Variants in KLF8 observed in about 807,000 individuals in gnomAD.
KLF8 encodes the protein Krueppel-like factor 8.
In KLF8, 10 loss-of-function variants were observed where a neutral mutation model predicts 18.2. The ratio of observed to expected loss-of-function variants is 0.55; its 90% CI spans 0.34 to 0.93. The LOEUF (loss-of-function observed/expected upper bound fraction) is 0.93, where lower values mean the gene tolerates loss of function less well. KLF8 is among the 40% of genes least tolerant of loss of function. KLF8 has a pLI of 0.02. For missense variants in KLF8, 264 were observed against 277.9 expected (o/e 0.95, Z 0.36); for synonymous variants, 109 against 97.3 (o/e 1.12, Z -0.71).
chrX:56,284,240 G>C, intron 5 of KLF8, 73 bp from the exon 6 acceptor site: 1 of 818,095 alleles, frequency 1.2e-6, no homozygotes, highest in Non-Finnish European at 1.7e-6. Flanking sequence ...TACGAGTTAT[G>C]TATTCTATTA....
the KLF8 span, among the ~76,000 whole-genome samples, chrX:56,002,417 A>ATG: frequency 0.037 from 3,470 of 92,602 alleles, 63 homozygotes; most frequent in Middle Eastern, 0.13. Flanking sequence ...ATTTGTGTGT[A>ATG]TGTGTGTGTG....
the KLF8 span, among the ~76,000 whole-genome samples, chrX:56,216,671 A>T: frequency 9.1e-6 from 1 of 110,285 alleles, no homozygotes; most frequent in Non-Finnish European, 1.9e-5. Context: ...CCACCACATC[A>T]AGCCAACAAA....
the KLF8 span, among the ~76,000 whole-genome samples, chrX:55,912,704 AT>A: frequency 1.8e-5 from 2 of 110,613 alleles, no homozygotes; most frequent in East Asian, 5.7e-4. Flanking sequence ...CTTCTCTCTT[AT>A]TTTCTTAAAT....
the KLF8 span, among the ~76,000 whole-genome samples, chrX:56,076,236 C>T: frequency 5.6e-5 from 6 of 106,520 alleles, no homozygotes; most frequent in South Asian, 4.3e-4. Context: ...GTGCACTGCA[C>T]CCACTAACTC....
the KLF8 span, among the ~76,000 whole-genome samples, chrX:55,950,988 C>T: frequency 8.9e-6 from 1 of 111,848 alleles, no homozygotes; most frequent in Non-Finnish European, 1.9e-5. Context: ...CCTTTACTTT[C>T]CTTCTTTCCA....
the KLF8 span, among the ~76,000 whole-genome samples, chrX:56,167,146 G>A: frequency 6.3e-5 from 7 of 111,054 alleles, no homozygotes; most frequent in Admixed American, 9.6e-5. Flanking sequence ...TCTTTTGGGC[G>A]GGGGGATAGA....
intron 2 of KLF8, among the ~76,000 whole-genome samples, chrX:56,257,058 A>ATGTT (rs2066807136): frequency 8.9e-6 from 1 of 111,934 alleles, no homozygotes; most frequent in African/African-American, 3.2e-5. Context: ...ATTATTAAAC[A>ATGTT]TTAATAAATT....
chrX:55,994,605 T>C, the KLF8 span, among the ~76,000 whole-genome samples: 1 of 111,196 alleles, frequency 9.0e-6, no homozygotes, highest in African/African-American at 3.3e-5. Flanking sequence ...GTCCCAGAGA[T>C]TCTCATATGT....
the KLF8 span, among the ~76,000 whole-genome samples, chrX:56,112,615 A>T: frequency 9.0e-6 from 1 of 111,705 alleles, no homozygotes; most frequent in African/African-American, 3.3e-5. Context: ...AAGGTGTCCC[A>T]CACAACCCTT....
the KLF8 span, among the ~76,000 whole-genome samples, chrX:56,010,891 G>A: frequency 8.9e-6 from 1 of 112,141 alleles, no homozygotes; most frequent in East Asian, 2.8e-4. Flanking sequence ...ATTACATAAT[G>A]GTAAAGGGAT....
the KLF8 span, among the ~76,000 whole-genome samples, chrX:56,199,642 A>G: frequency 8.9e-6 from 1 of 111,838 alleles, no homozygotes; most frequent in Non-Finnish European, 1.9e-5. Context: ...GGGAGTATAG[A>G]TTAGCTCAAT....
chrX:55,916,826 A>AT, the KLF8 span, among the ~76,000 whole-genome samples: 1 of 111,386 alleles, frequency 9.0e-6, no homozygotes, highest in South Asian at 3.8e-4. Flanking sequence ...TGTATCAATG[A>AT]TTTTTTTTCA....
At chrX:56,047,828 G>A in the KLF8 span, among the ~76,000 whole-genome samples, 2 of 111,563 alleles carry the variant, frequency 1.8e-5, no homozygotes, top group South Asian at 7.5e-4. Context: ...CTAGATCCCT[G>A]AGGAATAGCC....
chrX:55,949,195 T>G, the KLF8 span, among the ~76,000 whole-genome samples: 2 of 111,537 alleles, frequency 1.8e-5, no homozygotes, highest in African/African-American at 6.5e-5. Context: ...GTTAGTATAT[T>G]TTATTGATGA....
the KLF8 span, among the ~76,000 whole-genome samples, chrX:56,207,772 C>G: frequency 1.8e-5 from 2 of 110,561 alleles, no homozygotes; most frequent in South Asian, 3.8e-4. Context: ...TCGAAAGTTG[C>G]TTCCACATTT....
At chrX:55,994,664 A>T in the KLF8 span, among the ~76,000 whole-genome samples, 4,009 of 111,221 alleles carry the variant, frequency 0.036, 160 homozygotes, top group African/African-American at 0.13. Flanking sequence ...TTTCTGCCTT[A>T]ATTTCATGTT....
At chrX:56,173,081 T>A in the KLF8 span, among the ~76,000 whole-genome samples, 2 of 111,919 alleles carry the variant, frequency 1.8e-5, no homozygotes, top group Non-Finnish European at 3.8e-5. Flanking sequence ...TTTTTTTTGC[T>A]GTGTAGAAGC....
the KLF8 span, among the ~76,000 whole-genome samples, chrX:56,157,839 T>C: frequency 1.8e-5 from 2 of 111,517 alleles, no homozygotes; most frequent in African/African-American, 6.5e-5. Flanking sequence ...ATTCTGTAGG[T>C]TGCCTGTTCA....
the KLF8 span, among the ~76,000 whole-genome samples, chrX:55,947,061 T>C: frequency 9.0e-6 from 1 of 111,577 alleles, no homozygotes. Flanking sequence ...AGTTCAACTA[T>C]TGTGGAAGTC....
Sources: gnomAD v4.1 joint callset for allele counts (sites outside exome capture counted in the v4.1 genomes callset) on GRCh38, gnomAD v4.1.1 for gene constraint, MANE v1.5 for transcripts, NCBI Gene and HGNC (gene_info 2026-07-23, HGNC 2026-07-21) for gene names.